Variants in NSUN4 observed in about 807,000 individuals in gnomAD.
NSUN4 encodes 5-cytosine rRNA methyltransferase NSUN4.
In NSUN4, 31 loss-of-function variants were observed where a neutral mutation model predicts 43.8. The ratio of observed to expected loss-of-function variants is 0.71; its 90% CI spans 0.53 to 0.96. The LOEUF (loss-of-function observed/expected upper bound fraction) is 0.96. Among genes scored for constraint, NSUN4 ranks in the 40% least tolerant of loss-of-function variants. The probability of loss-of-function intolerance (pLI) is 0.00; values close to 1 mark genes in which losing one functional copy is unlikely to be tolerated. For missense variants in NSUN4, 439 were observed against 475.6 expected, an observed-to-expected ratio of 0.92 and a Z score of 0.72; for synonymous variants, 167 against 184.1, an observed-to-expected ratio of 0.91 and a Z score of 0.75.
At chr1:46,371,500 G>A in the NSUN4 span, among the ~76,000 whole-genome samples, 3 of 152,096 alleles carry the variant, frequency 2.0e-5, no homozygotes, top group Non-Finnish European at 4.4e-5. Flanking sequence ...TAGAGACGGG[G>A]TTTTACCATG....
chr1:46,367,938 T>C (rs1664173461), downstream of NSUN4, among the ~76,000 whole-genome samples: 1 of 151,918 alleles, frequency 6.6e-6, no homozygotes, highest in Non-Finnish European at 1.5e-5. Flanking sequence ...CTAATTTCTG[T>C]ATTTTTAGTA....
the NSUN4 span, among the ~76,000 whole-genome samples, chr1:46,377,461 GCTT>G: frequency 6.6e-6 from 1 of 152,196 alleles, no homozygotes; most frequent in South Asian, 2.1e-4. Context: ...ACCCAAGAGT[GCTT>G]CTCAAGACGA....
chr1:46,367,134 G>A (rs1055451731), downstream of NSUN4, among the ~76,000 whole-genome samples: 1 of 152,150 alleles, frequency 6.6e-6, no homozygotes, highest in African/African-American at 2.4e-5. Context: ...GGTCTTTAGT[G>A]GAAGGCAAGG....
chr1:46,365,329 A>T (rs1412103318), downstream of NSUN4, among the ~76,000 whole-genome samples: 4 of 151,952 alleles, frequency 2.6e-5, no homozygotes, highest in Non-Finnish European at 5.9e-5. Context: ...TTTTGTGAGT[A>T]CGTGTTTTCT....
downstream of NSUN4, among the ~76,000 whole-genome samples, chr1:46,369,982 AGTCCT>A (rs1218777481): frequency 1.3e-5 from 2 of 152,254 alleles, no homozygotes; most frequent in African/African-American, 4.8e-5. Context: ...TCTGAAAGTC[AGTCCT>A]GTCCTTAAGT....
chr1:46,345,114 G>A lies in NSUN4; in HGVS notation c.407G>A (p.Arg136Lys). 6.2e-7 allele frequency: 1 copy of A among 1,612,616 alleles called. No individual in the cohort carries two copies. The highest frequency in any genetic ancestry group is 8.5e-7 in the Non-Finnish European group (1 of 1,179,426). Reference protein sequence around the residue: ...SPNLRCFTFDRGDISRFPPAR... With the variant: ...SPNLRCFTFDKGDISRFPPAR... ...AACCTTCGATGCTTCACTTTTGACAGAGGGGATATCAGTCGCTTCCCTCCT... is the reference window on the plus strand; with the variant it reads ...AACCTTCGATGCTTCACTTTTGACAAAGGGGATATCAGTCGCTTCCCTCCT... The change falls in exon 2 of 6, where the codon AGA becomes AAA. Residue 136 changes from arginine to lysine, a missense_variant. Physicochemically the swap from Arg to Lys is conservative, Grantham distance 26. Transcript: ENST00000474844.
rs1216221751 is a variant in NSUN4 at position 46,340,931 on chromosome 1, C to G, written c.93+12C>G. On this transcript the variant is annotated intron_variant, in intron 1 of 5. Transcript: ENST00000474844. ...ATAAGAAGAAATGGGTAAGGTCCGG[C>G]TGGGGGCGCAGGAGGGAAAAGTGAG... The G allele has an allele frequency of 1.2e-6, 2 of 1,606,838 alleles. No homozygotes were observed. The highest frequency in any genetic ancestry group is 1.7e-6 in the Non-Finnish European group (2 of 1,175,678).
At chr1:46,341,143 C>G (rs1254659445) in intron 1 of NSUN4, 3 of 1,305,034 alleles carry the variant, frequency 2.3e-6, no homozygotes, top group Non-Finnish European at 2.9e-6. Flanking sequence ...CTGACTCCGC[C>G]CAAGTTGCGT....
chr1:46,347,056 G>C lies in NSUN4; in HGVS notation c.573G>C (p.Leu191Phe). ...CAAPGGKTLALLQTGCCRNLA... is the reference protein window; with the variant it reads ...CAAPGGKTLAFLQTGCCRNLA... ...CTCCTGGGGGAAAGACACTAGCGTT[G>C]CTTCAGACTGGCTGTTGCCGTAAGT... is the stretch of plus-strand genomic sequence containing the variant. The change falls in exon 3 of 6, where the codon TTG becomes TTC. Residue 191 changes from leucine to phenylalanine, a missense_variant. Coordinates refer to ENST00000474844, the MANE Select transcript of NSUN4 (RefSeq NM_199044.4). The C allele has an allele frequency of 3.1e-6, 5 of 1,614,036 alleles. No homozygotes were observed. Among genetic ancestry groups the C allele is most frequent in the Non-Finnish European group, 4.2e-6 (5 of 1,179,966 alleles).
intron 3 of NSUN4, among the ~76,000 whole-genome samples, chr1:46,351,725 C>T (rs867817308): frequency 1.0e-4 from 14 of 133,356 alleles, no homozygotes; most frequent in South Asian, 2.7e-4. Context: ...AATGCAGTGG[C>T]GCCATCTCGG....
Position 46,340,869 on chromosome 1 carries a change from C to G in NSUN4, c.43C>G (p.Arg15Gly), listed in dbSNP as rs745517333. 44 of 1,613,512 alleles carry G rather than the reference C, an allele frequency of 2.7e-5. No individual in the cohort carries two copies. In the Admixed American group the frequency reaches 7.2e-4, roughly 26 times the overall value. Residue 15 changes from arginine to glycine, a missense_variant, in exon 1 of 6, where the codon CGT becomes GGT. Physicochemically the swap from Arg to Gly is moderately radical, Grantham distance 125. Coordinates refer to ENST00000474844, the MANE Select transcript of NSUN4 (RefSeq NM_199044.4). The part of the protein sequence containing the change: ...TLRGVRELLK[R>G]VDLATVPRRH... Reference sequence around the variant, plus strand: ...GAGGGGTGTCCGGGAGCTGCTGAAGCGTGTGGACCTCGCGACGGTCCCGCG... The same window carrying G: ...GAGGGGTGTCCGGGAGCTGCTGAAGGGTGTGGACCTCGCGACGGTCCCGCG...
intron 1 of NSUN4, 97 bp downstream of exon 1, chr1:46,341,016 C>T: frequency 8.0e-7 from 1 of 1,257,744 alleles, no homozygotes; most frequent in Non-Finnish European, 1.1e-6. Context: ...GCGTCTTTCC[C>T]AAGCACTCCA....
At chr1:46,376,952 T>C in the NSUN4 span, among the ~76,000 whole-genome samples, 1 of 151,884 alleles carries the variant, frequency 6.6e-6, no homozygotes, top group African/African-American at 2.4e-5. Context: ...GAGAAGGGGT[T>C]TCACCATGTT....
chr1:46,341,546 C>G (rs1662104948), intron 1 of NSUN4: 7 of 1,128,782 alleles, frequency 6.2e-6, no homozygotes, highest in Non-Finnish European at 7.6e-6. Context: ...TCTCCAGAGA[C>G]CCTTTTTCTT....
intron 4 of NSUN4, among the ~76,000 whole-genome samples, chr1:46,359,654 G>T (rs1190208858): frequency 6.6e-6 from 1 of 150,854 alleles, no homozygotes; most frequent in Admixed American, 6.6e-5. Context: ...AAGTTCAAGC[G>T]ATTCTCCTGC....
intron 4 of NSUN4, among the ~76,000 whole-genome samples, chr1:46,357,971 G>A (rs1557743058): frequency 6.6e-6 from 1 of 152,214 alleles, no homozygotes; most frequent in South Asian, 2.1e-4. Flanking sequence ...TTGGAGTACA[G>A]TGGTGCCATC....
At position 46,347,050 on chromosome 1, in the gene NSUN4, A is replaced by G; in HGVS notation, c.567A>G (p.Leu189=). The G allele has an allele frequency of 6.2e-7, 1 of 1,614,134 alleles. No individual in the cohort carries two copies. Among genetic ancestry groups the G allele is most frequent in the South Asian group, 1.1e-5 (1 of 91,088 alleles). The change falls in exon 3 of 6, where the codon CTA becomes CTG. Residue 189 remains leucine (L), a synonymous_variant. Transcript: ENST00000474844. ...DLCAAPGGKT[L]ALLQTGCCRN... is the part of the protein sequence containing the mutation. ...GTGCAGCTCCTGGGGGAAAGACACT[A>G]GCGTTGCTTCAGACTGGCTGTTGCC...
chr1:46,369,297 C>T (rs931571874), downstream of NSUN4, among the ~76,000 whole-genome samples: 3 of 152,042 alleles, frequency 2.0e-5, no homozygotes, highest in African/African-American at 7.2e-5. Context: ...TTTTTGCATC[C>T]CTAACCCCCA....
At position 46,344,913 on chromosome 1, in the gene NSUN4, C is replaced by T. The variant is rs752512220; in HGVS notation, c.206C>T (p.Ser69Leu). 1 of 1,614,206 alleles carries T rather than the reference C, an allele frequency of 6.2e-7. No individual in the cohort carries two copies. Among genetic ancestry groups the T allele is most frequent in the East Asian group, 2.2e-5 (1 of 44,886 alleles). The change falls in exon 2 of 6, where the codon TCA becomes TTA. Residue 69 changes from serine (S) to leucine (L), a missense_variant. By Grantham distance (145) the Ser-to-Leu change is moderately radical. Coordinates refer to ENST00000474844, the MANE Select transcript of NSUN4 (RefSeq NM_199044.4). ...CCATCAATCCGTGTCAGTCTCCTCT[C>T]AGAGCAGAAGTATGGTGCACTGGTC... ...LWPSIRVSLL[S>L]EQKYGALVNN...
Sources: gnomAD v4.1 joint callset for allele counts (sites outside exome capture counted in the v4.1 genomes callset) on GRCh38, gnomAD v4.1.1 for gene constraint, MANE v1.5 for transcripts, NCBI Gene and HGNC (gene_info 2026-07-23, HGNC 2026-07-21) for gene names.